ZNF804B: variants seen among roughly 807,000 people sequenced by gnomAD.
ZNF804B encodes the protein zinc finger 804B.
A neutral mutation model predicts 101.4 loss-of-function variants in ZNF804B; 80 were observed. That is an observed-to-expected ratio of 0.79 (90% CI 0.66 to 0.95). The LOEUF (loss-of-function observed/expected upper bound fraction) is 0.95, where lower values mean the gene tolerates loss of function less well. Ranked by LOEUF, ZNF804B falls within the 40% of genes least tolerant of loss-of-function variation. The probability of loss-of-function intolerance (pLI) is 0.00; values close to 1 mark genes in which losing one functional copy is unlikely to be tolerated. For synonymous variants in ZNF804B, 622 were observed against 558.8 expected (o/e 1.11, Z -1.59); for missense variants, 1,673 against 1,561.9 (o/e 1.07, Z -1.20).
At chr7:89,036,595 C>A (rs1048779879) in intron 1 of ZNF804B, among the ~76,000 whole-genome samples, 3 of 151,966 alleles carry the variant, frequency 2.0e-5, no homozygotes, top group African/African-American at 7.2e-5. Context: ...AACTATGTTT[C>A]TTTTATCAAC....
chr7:89,171,359 C>CTTCTTCTTCTTCT (rs1562904583), intron 1 of ZNF804B, among the ~76,000 whole-genome samples: 11 of 66,976 alleles, frequency 1.6e-4, no homozygotes, highest in Non-Finnish European at 1.9e-4. Flanking sequence ...CTTCTTCTTC[C>CTTCTTCTTCTTCT]TCCTCTTCCT....
intron 2 of ZNF804B, among the ~76,000 whole-genome samples, chr7:89,290,807 T>C (rs1790276736): frequency 6.6e-6 from 1 of 152,110 alleles, no homozygotes; most frequent in African/African-American, 2.4e-5. Context: ...AGGTGATAGT[T>C]GGGTAGTAGT....
intron 1 of ZNF804B, among the ~76,000 whole-genome samples, chr7:89,198,955 T>C (rs1021661681): frequency 6.6e-6 from 1 of 151,856 alleles, no homozygotes; most frequent in African/African-American, 2.4e-5. Flanking sequence ...TATGGAGCCA[T>C]AAGGAGTTTA....
chr7:89,323,743 G>A (rs1178313479), intron 2 of ZNF804B, among the ~76,000 whole-genome samples: 2 of 151,992 alleles, frequency 1.3e-5, no homozygotes, highest in South Asian at 2.1e-4. Context: ...TACCCTATTT[G>A]TTTTCCCATT....
At chr7:88,906,703 T>C (rs1204980040) in intron 1 of ZNF804B, among the ~76,000 whole-genome samples, 1 of 152,114 alleles carries the variant, frequency 6.6e-6, no homozygotes, top group Non-Finnish European at 1.5e-5. Flanking sequence ...AAATAATGTA[T>C]ATTCTGGTTG....
intron 1 of ZNF804B, among the ~76,000 whole-genome samples, chr7:88,915,753 G>A (rs1372958434): frequency 6.6e-6 from 1 of 150,772 alleles, no homozygotes; most frequent in African/African-American, 2.4e-5. Context: ...TTGGAAGAAT[G>A]GGAACAAAGT....
chr7:89,100,633 C>A (rs1361275557), intron 1 of ZNF804B, among the ~76,000 whole-genome samples: 2 of 151,900 alleles, frequency 1.3e-5, no homozygotes, highest in African/African-American at 2.4e-5. Context: ...ATCTAATAAT[C>A]TGATTAAATA....
chr7:89,099,513 T>C (rs1299122931), intron 1 of ZNF804B, among the ~76,000 whole-genome samples: 3 of 152,142 alleles, frequency 2.0e-5, no homozygotes, highest in Non-Finnish European at 2.9e-5. Context: ...AGGAATATGA[T>C]GTTCTAATGT....
intron 2 of ZNF804B, among the ~76,000 whole-genome samples, chr7:89,271,543 G>A (rs1455689367): frequency 6.6e-6 from 1 of 151,960 alleles, no homozygotes; most frequent in Admixed American, 6.6e-5. Context: ...TTGTTGTTGT[G>A]TCTCTGCCAG....
chr7:89,317,190 A>G (rs896344509), intron 2 of ZNF804B, among the ~76,000 whole-genome samples: 1 of 152,174 alleles, frequency 6.6e-6, no homozygotes, highest in African/African-American at 2.4e-5. Flanking sequence ...TGGGAGGGAC[A>G]AGAATTCTAT....
At chr7:89,009,555 C>G (rs745847318) in intron 1 of ZNF804B, among the ~76,000 whole-genome samples, 12 of 152,038 alleles carry the variant, frequency 7.9e-5, no homozygotes, top group Non-Finnish European at 1.5e-4. Context: ...GAAATCTTAA[C>G]CCCCAGAGTG....
chr7:89,331,819 A>G, intron 3 of ZNF804B, among the ~76,000 whole-genome samples: 1 of 151,622 alleles, frequency 6.6e-6, no homozygotes, highest in East Asian at 1.9e-4. Context: ...TACCTAAAGG[A>G]TATATTCAGG....
chr7:88,925,195 C>G (rs1264400718), intron 1 of ZNF804B, among the ~76,000 whole-genome samples: 2 of 152,128 alleles, frequency 1.3e-5, no homozygotes, highest in Non-Finnish European at 2.9e-5. Flanking sequence ...TTACCCCACT[C>G]ACTGTCCTCT....
Position 89,319,288 on chromosome 7 carries a change from A to T in ZNF804B, c.250-8056A>T, listed in dbSNP as rs140363634. On this transcript the variant is annotated intron_variant, in intron 2 of 3. Coordinates refer to ENST00000333190, the MANE Select transcript of ZNF804B (RefSeq NM_181646.5). ...AATAAATAATTAATTAATTAATTTTAAAAAATTAAGGGAATTTTGGCTTAC... is the reference window on the plus strand; with the variant it reads ...AATAAATAATTAATTAATTAATTTTTAAAAATTAAGGGAATTTTGGCTTAC... Among the ~76,000 whole-genome samples, 87 of 152,338 alleles carry T rather than the reference A, an allele frequency of 5.7e-4. 1 individual carries two copies. The East Asian group carries it at 0.011, about 19-fold the overall frequency.
chr7:88,827,482 T>G (rs1791066156), intron 1 of ZNF804B, among the ~76,000 whole-genome samples: 1 of 152,010 alleles, frequency 6.6e-6, no homozygotes, highest in Non-Finnish European at 1.5e-5. Context: ...AGAAAAACTT[T>G]TATGTTAATG....
intron 2 of ZNF804B, among the ~76,000 whole-genome samples, chr7:89,297,949 G>A (rs1438407073): frequency 1.3e-5 from 2 of 148,366 alleles, no homozygotes; most frequent in Non-Finnish European, 3.0e-5. Flanking sequence ...CTGGGTCTAG[G>A]ATCTAATCTA....
intron 1 of ZNF804B, among the ~76,000 whole-genome samples, chr7:89,098,094 C>T (rs59029452): frequency 0.023 from 3,464 of 152,032 alleles, 158 homozygotes; most frequent in African/African-American, 0.079. Context: ...AAGGTAGGAA[C>T]AATTAACATT....
chr7:89,187,047 C>A (rs1788384798), intron 1 of ZNF804B, among the ~76,000 whole-genome samples: 1 of 152,114 alleles, frequency 6.6e-6, no homozygotes. Flanking sequence ...GAATGTAATT[C>A]CAAATTTACT....
intron 1 of ZNF804B, among the ~76,000 whole-genome samples, chr7:88,888,397 T>A (rs778324298): frequency 1.3e-5 from 2 of 151,932 alleles, no homozygotes; most frequent in South Asian, 2.1e-4. Flanking sequence ...GCCTCAAAAA[T>A]ATATATATAT....
Sources: gnomAD v4.1 joint callset for allele counts (sites outside exome capture counted in the v4.1 genomes callset) on GRCh38, gnomAD v4.1.1 for gene constraint, MANE v1.5 for transcripts, NCBI Gene and HGNC (gene_info 2026-07-23, HGNC 2026-07-21) for gene names.